The following FNBP1L variants were observed in gnomAD, a reference collection of about 807,000 sequenced individuals.
The protein encoded by FNBP1L is formin binding protein 1 like.
Under a neutral mutation model 91.2 loss-of-function variants are expected in FNBP1L, and 36 were observed. The observed-to-expected ratio is 0.39, with a 90% CI of 0.30 to 0.52. The LOEUF (loss-of-function observed/expected upper bound fraction) is 0.52. Among genes scored for constraint, FNBP1L ranks in the 20% least tolerant of loss-of-function variants. The pLI, the probability that FNBP1L is intolerant of heterozygous loss-of-function variation, is 0.66. For synonymous variants in FNBP1L, 242 were observed against 237.0 expected, an observed-to-expected ratio of 1.02 and a Z score of -0.19; for missense variants, 571 against 732.1, an observed-to-expected ratio of 0.78 and a Z score of 2.54.
chr1:93,479,626 CTAGGGTCT>C (rs1364827771), intron 1 of FNBP1L, among the ~76,000 whole-genome samples: 1 of 152,050 alleles, frequency 6.6e-6, no homozygotes, highest in East Asian at 1.9e-4. Flanking sequence ...CTTTTCCTTC[CTAGGGTCT>C]TAGTGTTATA....
chr1:93,489,191 G>C (rs963961851), intron 1 of FNBP1L, among the ~76,000 whole-genome samples: 6 of 152,180 alleles, frequency 3.9e-5, no homozygotes, highest in African/African-American at 9.6e-5. Flanking sequence ...GGCAAAGCTA[G>C]AGAGGGGCAA....
At chr1:93,524,906 A>G (rs949566730) in intron 5 of FNBP1L, among the ~76,000 whole-genome samples, 2 of 152,086 alleles carry the variant, frequency 1.3e-5, no homozygotes, top group Non-Finnish European at 2.9e-5. Context: ...GCAAAATTAT[A>G]AAGGCATAAT....
intron 1 of FNBP1L, among the ~76,000 whole-genome samples, chr1:93,494,574 A>C (rs1289387185): frequency 6.6e-6 from 1 of 152,158 alleles, no homozygotes; most frequent in African/African-American, 2.4e-5. Context: ...ATTAGCATAA[A>C]TTTAGGTATG....
At chr1:93,462,473 T>TCCTTAGTTTTTACC (rs1553208021) in intron 1 of FNBP1L, among the ~76,000 whole-genome samples, 4 of 152,170 alleles carry the variant, frequency 2.6e-5, no homozygotes, top group Admixed American at 1.3e-4. Context: ...TATTAAGGTT[T>TCCTTAGTTTTTACC]CCTTAGTTTT....
At chr1:93,451,024 G>T (rs1668477393) in intron 1 of FNBP1L, among the ~76,000 whole-genome samples, 1 of 152,144 alleles carries the variant, frequency 6.6e-6, no homozygotes, top group South Asian at 2.1e-4. Flanking sequence ...TGCTTACAGG[G>T]ATTTCTAGTG....
chr1:93,549,383 C>T lies in FNBP1L; in HGVS notation c.1608C>T (p.Pro536=). 6.2e-7 allele frequency: 1 copy of T among 1,612,170 alleles called. No homozygotes were observed. Residue 536 remains proline (P), a synonymous_variant, in exon 15 of 17, where the codon CCC becomes CCT. Transcript: ENST00000271234. Reference sequence around the variant, plus strand: ...ATGATGAATTTGAGGATGATGATCCCTTGCCTGCTATTGGACACTGCAAAG... The same window carrying T: ...ATGATGAATTTGAGGATGATGATCCTTTGCCTGCTATTGGACACTGCAAAG... ...EFDDEFEDDD[P]LPAIGHCKAI...
intron 5 of FNBP1L, among the ~76,000 whole-genome samples, chr1:93,527,152 T>C (rs184967437): frequency 1.3e-5 from 2 of 152,336 alleles, no homozygotes; most frequent in African/African-American, 4.8e-5. Context: ...ATGTAAGTTA[T>C]AGGCCTATCT....
intron 1 of FNBP1L, among the ~76,000 whole-genome samples, chr1:93,464,206 A>G (rs1358452095): frequency 6.6e-6 from 1 of 152,166 alleles, no homozygotes; most frequent in Non-Finnish European, 1.5e-5. Flanking sequence ...TGATTCAGCA[A>G]TTTCACTTCT....
intron 2 of FNBP1L, among the ~76,000 whole-genome samples, chr1:93,516,268 C>T (rs1671108173): frequency 2.6e-5 from 4 of 152,066 alleles, no homozygotes; most frequent in Admixed American, 2.0e-4. Context: ...AGTGAGAAAA[C>T]ATCCTGGAAG....
At chr1:93,514,870 T>C (rs1671022281) in intron 2 of FNBP1L, among the ~76,000 whole-genome samples, 1 of 152,152 alleles carries the variant, frequency 6.6e-6, no homozygotes, top group Non-Finnish European at 1.5e-5. Context: ...AAGGACTTCA[T>C]GTCTAAAACA....
chr1:93,528,813 T>G (rs1671578656), intron 5 of FNBP1L, among the ~76,000 whole-genome samples: 3 of 152,082 alleles, frequency 2.0e-5, no homozygotes, highest in African/African-American at 4.8e-5. Context: ...GCAGTCAGTT[T>G]TAAAGAACTG....
chr1:93,459,012 C>A (rs1036644669), intron 1 of FNBP1L, among the ~76,000 whole-genome samples: 6 of 152,290 alleles, frequency 3.9e-5, no homozygotes, highest in East Asian at 1.9e-4. Flanking sequence ...TGGTGGCTCA[C>A]GCCTGTAATC....
Position 93,448,125 on chromosome 1 carries a change from T to G in FNBP1L, c.-157T>G, listed in dbSNP as rs958716392. Reference sequence around the variant, plus strand: ...GGCGGCGGAGGCTTCTCCAGTCGCGTCTTTCTCACTCACTGGGGAGCCCGG... The same window carrying G: ...GGCGGCGGAGGCTTCTCCAGTCGCGGCTTTCTCACTCACTGGGGAGCCCGG... On this transcript the variant is annotated 5_prime_UTR_variant, in exon 1 of 17. Coordinates refer to ENST00000271234, the MANE Select transcript of FNBP1L (RefSeq NM_001164473.3). 5.6e-6 allele frequency: 5 copies of G among 900,598 alleles called. No individual in the cohort carries two copies. Among genetic ancestry groups the G allele is most frequent in the Admixed American group, 7.3e-5 (2 of 27,418 alleles). 55.8% of individuals were successfully genotyped at this position (900,598 alleles called of 1,614,324 possible).
At position 93,502,086 on chromosome 1, in the gene FNBP1L, A is replaced by T. The variant is rs540003429; in HGVS notation, c.140+2503A>T. On this transcript the variant is annotated intron_variant, in intron 2 of 16. Transcript: ENST00000271234. Reference sequence around the variant, plus strand: ...GCCTTATTCATCAGGTTGAATGATGAATGTGCAGTAAGAACTGAATGTACA... The same window carrying T: ...GCCTTATTCATCAGGTTGAATGATGTATGTGCAGTAAGAACTGAATGTACA... 1.5e-4 allele frequency among the ~76,000 whole-genome samples: 23 copies of T among 152,314 alleles called. No individual in the cohort carries two copies. In the South Asian group the frequency reaches 4.8e-3, roughly 32 times the overall value.
intron 2 of FNBP1L, among the ~76,000 whole-genome samples, chr1:93,500,075 A>G (rs1670395478): frequency 6.6e-6 from 1 of 152,214 alleles, no homozygotes; most frequent in South Asian, 2.1e-4. Context: ...AAAGTTTTAA[A>G]GAGAAAATTT....
rs763133491 is a variant in FNBP1L, at chr1:93,544,153, G to A, written c.1211G>A (p.Arg404His). 6 of 1,611,892 alleles carry A rather than the reference G, an allele frequency of 3.7e-6. No individual in the cohort carries two copies. The highest frequency in any genetic ancestry group is 1.7e-5 in the Admixed American group (1 of 59,920). Residue 404 changes from arginine to histidine, a missense_variant, in exon 12 of 17, where the codon CGT becomes CAT. This residue lies in a region of FNBP1L where 150 missense variants were observed against 155.9 expected (regional missense o/e 0.96). Coordinates refer to ENST00000271234, the MANE Select transcript of FNBP1L (RefSeq NM_001164473.3). ...DFSHLPPEQR[R>H]KKLQQRIDEL... Reference sequence around the variant, plus strand: ...AGTCATCTGCCACCAGAACAGAGACGTAAAAAACTACAGCAGCGCATTGAT... The same window carrying A: ...AGTCATCTGCCACCAGAACAGAGACATAAAAAACTACAGCAGCGCATTGAT...
At chr1:93,493,616 A>G (rs746577193) in intron 1 of FNBP1L, among the ~76,000 whole-genome samples, 14 of 152,156 alleles carry the variant, frequency 9.2e-5, no homozygotes, top group Non-Finnish European at 1.6e-4. Flanking sequence ...GGAATCATAC[A>G]GTATTTGTCC....
At chr1:93,456,662 C>T (rs1465907661) in intron 1 of FNBP1L, among the ~76,000 whole-genome samples, 1 of 150,032 alleles carries the variant, frequency 6.7e-6, no homozygotes, top group Non-Finnish European at 1.5e-5. Context: ...CACCTGTAGT[C>T]CCAGCTACTC....
chr1:93,451,650 A>G (rs1282665017), intron 1 of FNBP1L, among the ~76,000 whole-genome samples: 1 of 152,020 alleles, frequency 6.6e-6, no homozygotes, highest in Non-Finnish European at 1.5e-5. Flanking sequence ...TCATCATATT[A>G]TTTATATTAT....
Sources: allele counts gnomAD v4.1 joint callset (sites outside exome capture counted in the v4.1 genomes callset), GRCh38; gene constraint gnomAD v4.1.1; regional missense constraint gnomAD v4.1.1; transcripts MANE v1.5; gene names NCBI Gene and HGNC (gene_info 2026-07-23, HGNC 2026-07-21).